The following CLASP1 variants were observed in gnomAD, a reference collection of about 807,000 sequenced individuals.
CLASP1 encodes the protein cytoplasmic linker associated protein 1.
A neutral mutation model predicts 192.3 loss-of-function variants in CLASP1; 38 were observed. That is an observed-to-expected ratio of 0.20 (90% CI 0.15 to 0.26). The LOEUF is 0.26. Among genes scored for constraint, CLASP1 ranks in the 10% least tolerant of loss-of-function variants. The pLI is 1.00. For missense variants in CLASP1, 1,433 were observed against 1,932.5 expected (o/e 0.74, Z 4.85); for synonymous variants, 691 against 712.8 (o/e 0.97, Z 0.49).
chr2:121,607,117 G>A (rs1158435613), intron 1 of CLASP1, among the ~76,000 whole-genome samples: 1 of 151,078 alleles, frequency 6.6e-6, no homozygotes, highest in African/African-American at 2.4e-5. Flanking sequence ...CGAGGTGGGC[G>A]GATCACCTGA....
intron 8 of CLASP1, among the ~76,000 whole-genome samples, chr2:121,494,067 C>T (rs1469389506): frequency 6.6e-6 from 1 of 152,190 alleles, no homozygotes; most frequent in Non-Finnish European, 1.5e-5. Flanking sequence ...AAAACTAGAA[C>T]TACCATACGA....
chr2:121,528,800 C>G lies in CLASP1; in HGVS notation c.275-20G>C. 6.3e-7 allele frequency: 1 copy of G among 1,587,158 alleles called. No homozygotes were observed. On this transcript the variant is annotated intron_variant, in intron 3 of 39. Coordinates refer to ENST00000263710, the Ensembl canonical transcript of CLASP1. ...GCAGCACTGAAAATCAAAATGGAAACTGATCAAATGAAACCCTATTTGGGG... is the reference window on the plus strand; with the variant it reads ...GCAGCACTGAAAATCAAAATGGAAAGTGATCAAATGAAACCCTATTTGGGG...
intron 3 of CLASP1, 43 bp downstream of exon 3, chr2:121,530,204 G>A (rs765455819): frequency 7.3e-6 from 11 of 1,510,426 alleles, no homozygotes; most frequent in Admixed American, 2.0e-5. Flanking sequence ...GAAGGCTGGG[G>A]GTCTGAAGGG....
intron 8 of CLASP1, among the ~76,000 whole-genome samples, chr2:121,472,687 C>T (rs998163782): frequency 5.9e-5 from 9 of 152,166 alleles, no homozygotes; most frequent in South Asian, 2.1e-4. Context: ...CTAGGCCTCA[C>T]GTGTGTGAGT....
chr2:121,441,327 A>G (rs959284303), intron 19 of CLASP1, among the ~76,000 whole-genome samples: 17 of 151,862 alleles, frequency 1.1e-4, no homozygotes, highest in East Asian at 2.0e-4. Context: ...GCTTGGGGGC[A>G]TAATTAAACC....
intron 7 of CLASP1, 21 bp from the exon 8 acceptor site, chr2:121,503,255 A>C (rs2093820259): frequency 7.3e-7 from 1 of 1,370,740 alleles, no homozygotes; most frequent in African/African-American, 1.4e-5. Context: ...GAAAAATGTA[A>C]ACAAACTATT....
At chr2:121,450,410 G>C (rs995148769) in intron 16 of CLASP1, among the ~76,000 whole-genome samples, 2 of 152,062 alleles carry the variant, frequency 1.3e-5, no homozygotes, top group South Asian at 2.1e-4. Context: ...AGTCCTAATG[G>C]CAAAAGTACC....
At chr2:121,554,487 AGGAGC>A (rs1188138987) in intron 2 of CLASP1, among the ~76,000 whole-genome samples, 1 of 143,764 alleles carries the variant, frequency 7.0e-6, no homozygotes, top group Non-Finnish European at 1.5e-5. Flanking sequence ...AAAATTAGCC[AGGAGC>A]GGTGGCACTT....
chr2:121,611,386 A>G (rs1399775685), intron 1 of CLASP1, among the ~76,000 whole-genome samples: 177 of 69,398 alleles, frequency 2.6e-3, no homozygotes, highest in Middle Eastern at 0.013. Context: ...GTTACAGGAG[A>G]AAGAGGAACT....
chr2:121,415,259 ATC>A (rs1481215499), intron 23 of CLASP1, among the ~76,000 whole-genome samples: 2 of 152,194 alleles, frequency 1.3e-5, no homozygotes, highest in African/African-American at 4.8e-5. Context: ...TACTAAATCT[ATC>A]TGTGTCTCAG....
At chr2:121,438,755 C>A (rs933673660) in intron 19 of CLASP1, among the ~76,000 whole-genome samples, 11 of 151,564 alleles carry the variant, frequency 7.3e-5, no homozygotes, top group African/African-American at 2.7e-4. Context: ...AGGATTTTTG[C>A]ATCAATGTTC....
At chr2:121,649,154 G>A (rs1402766805) in intron 1 of CLASP1, among the ~76,000 whole-genome samples, 1 of 152,114 alleles carries the variant, frequency 6.6e-6, no homozygotes, top group East Asian at 1.9e-4. Context: ...AAAGCAGCCT[G>A]GGCTCAGCGA....
intron 6 of CLASP1, among the ~76,000 whole-genome samples, chr2:121,519,221 G>A (rs1423399842): frequency 6.6e-6 from 1 of 152,214 alleles, no homozygotes; most frequent in Non-Finnish European, 1.5e-5. Context: ...TAAACTGAGG[G>A]TTGCTCTGAG....
At chr2:121,368,870 GATCA>G in intron 34 of CLASP1, among the ~76,000 whole-genome samples, 1 of 152,186 alleles carries the variant, frequency 6.6e-6, no homozygotes, top group Non-Finnish European at 1.5e-5. Flanking sequence ...TACCATTTTT[GATCA>G]TTCAGTGTCA....
chr2:121,611,123 A>T (rs2065362670), intron 1 of CLASP1, among the ~76,000 whole-genome samples: 1 of 137,382 alleles, frequency 7.3e-6, no homozygotes, highest in Non-Finnish European at 1.6e-5. Context: ...CTGGAGGAGG[A>T]GGAGGAGTTA....
chr2:121,382,993 TACC>T (rs2072122039), intron 32 of CLASP1, among the ~76,000 whole-genome samples: 1 of 152,226 alleles, frequency 6.6e-6, no homozygotes, highest in African/African-American at 2.4e-5. Context: ...CCTCTGCTCA[TACC>T]ACCTAATATG....
At chr2:121,495,744 A>G (rs757366493) in intron 8 of CLASP1, among the ~76,000 whole-genome samples, 9 of 152,240 alleles carry the variant, frequency 5.9e-5, no homozygotes, top group Non-Finnish European at 1.3e-4. Flanking sequence ...CTGAAAATCT[A>G]CAAGTATGAC....
At chr2:121,420,153 C>T (rs1434859575) in intron 22 of CLASP1, among the ~76,000 whole-genome samples, 2 of 150,850 alleles carry the variant, frequency 1.3e-5, no homozygotes, top group African/African-American at 4.9e-5. Flanking sequence ...AAGTCAAGCA[C>T]AGGAACGTAA....
Position 121,483,576 on chromosome 2 carries a change from ATG to A in CLASP1, c.713-13618_713-13617del, listed in dbSNP as rs2092774093. Among the ~76,000 whole-genome samples, 3 of 151,428 alleles carry A rather than the reference ATG, an allele frequency of 2.0e-5. No individual in the cohort carries two copies. In the South Asian group the frequency reaches 6.2e-4, roughly 31 times the overall value. ...TGTGTATATATATGTATGTATATAT[ATG>A]TGTGTATACATATATACACACACAC... On this transcript the variant is annotated intron_variant, in intron 8 of 39. Coordinates refer to ENST00000263710, the Ensembl canonical transcript of CLASP1.
Sources: allele counts gnomAD v4.1 joint callset (sites outside exome capture counted in the v4.1 genomes callset), GRCh38; gene constraint gnomAD v4.1.1; transcripts MANE v1.5; gene names NCBI Gene and HGNC (gene_info 2026-07-23, HGNC 2026-07-21).